The following PRIMA1 variants were observed in gnomAD, a reference collection of about 807,000 sequenced individuals.
PRIMA1 encodes proline rich membrane anchor 1.
A neutral mutation model predicts 17.5 loss-of-function variants in PRIMA1; 7 were observed. The observed-to-expected ratio is 0.40, with a 90% CI of 0.23 to 0.75. The LOEUF is 0.75. Ranked by LOEUF, PRIMA1 falls within the 30% of genes least tolerant of loss-of-function variation. PRIMA1 has a pLI of 0.37. For synonymous variants in PRIMA1, 97 were observed against 77.9 expected (o/e 1.25, Z -1.29); for missense variants, 200 against 201.8 (o/e 0.99, Z 0.05).
intron 3 of PRIMA1, among the ~76,000 whole-genome samples, chr14:93,738,495 A>G (rs979419072): frequency 6.6e-6 from 1 of 152,220 alleles, no homozygotes; most frequent in African/African-American, 2.4e-5. Flanking sequence ...GAGAGACAGT[A>G]TTAACTTTGG....
chr14:93,746,573 G>C (rs1332388007), intron 3 of PRIMA1, among the ~76,000 whole-genome samples: 1 of 152,088 alleles, frequency 6.6e-6, no homozygotes. Context: ...GGGGCCATGG[G>C]GATGCCATAA....
chr14:93,773,169 C>A (rs530748125), intron 3 of PRIMA1, among the ~76,000 whole-genome samples: 1 of 152,308 alleles, frequency 6.6e-6, no homozygotes, highest in South Asian at 2.1e-4. Context: ...CTACATAATA[C>A]CACCTTTTGA....
chr14:93,734,756 T>C (rs1209537956), intron 4 of PRIMA1, among the ~76,000 whole-genome samples: 1 of 115,660 alleles, frequency 8.6e-6, no homozygotes, highest in Non-Finnish European at 1.9e-5. Flanking sequence ...GCCCCGCCCC[T>C]GCCCCTGGAA....
chr14:93,743,768 C>T (rs2141165934), intron 3 of PRIMA1, among the ~76,000 whole-genome samples: 1 of 152,366 alleles, frequency 6.6e-6, no homozygotes, highest in East Asian at 1.9e-4. Context: ...GGGACAGTCT[C>T]ATGGCACCGC....
intron 4 of PRIMA1, among the ~76,000 whole-genome samples, chr14:93,734,285 C>T (rs2076134425): frequency 6.6e-6 from 1 of 152,200 alleles, no homozygotes; most frequent in South Asian, 2.1e-4. Context: ...CCCGGGAGGC[C>T]GACCTTACTG....
intron 3 of PRIMA1, among the ~76,000 whole-genome samples, chr14:93,746,776 A>G (rs2076221332): frequency 6.6e-6 from 1 of 152,096 alleles, no homozygotes; most frequent in South Asian, 2.1e-4. Context: ...GAAAGGTCAG[A>G]GTCTGGAAAT....
chr14:93,787,470 A>G (rs1885555591), intron 2 of PRIMA1, among the ~76,000 whole-genome samples, 156 bp downstream of exon 2: 1 of 152,130 alleles, frequency 6.6e-6, no homozygotes, highest in African/African-American at 2.4e-5. Flanking sequence ...TTTCAGGGGT[A>G]GGGTATAGGG....
chr14:93,744,416 C>T (rs777372579), intron 3 of PRIMA1, among the ~76,000 whole-genome samples: 13 of 152,250 alleles, frequency 8.5e-5, no homozygotes, highest in Non-Finnish European at 1.8e-4. Flanking sequence ...AGGCCGGTGC[C>T]AGGGCGTCCA....
At chr14:93,748,037 GGAGTGTGT>G (rs1390633545) in intron 3 of PRIMA1, among the ~76,000 whole-genome samples, 1 of 35,372 alleles carries the variant, frequency 2.8e-5, no homozygotes, top group African/African-American at 1.0e-4. Context: ...ACTGTGTGTG[GGAGTGTGT>G]GAGTGTGTGT....
chr14:93,747,305 G>A (rs1429166105), intron 3 of PRIMA1, among the ~76,000 whole-genome samples: 1 of 152,206 alleles, frequency 6.6e-6, no homozygotes. Flanking sequence ...CAGCGAGGCT[G>A]GGAGCCAGCC....
At chr14:93,764,097 C>A (rs150585576) in intron 3 of PRIMA1, among the ~76,000 whole-genome samples, 2 of 151,910 alleles carry the variant, frequency 1.3e-5, no homozygotes, top group African/African-American at 4.8e-5. Context: ...AAACTCCCAC[C>A]CTTCTAACCC....
intron 3 of PRIMA1, among the ~76,000 whole-genome samples, chr14:93,744,196 C>T (rs563558650): frequency 2.0e-5 from 3 of 152,340 alleles, no homozygotes; most frequent in South Asian, 2.1e-4. Context: ...ACAAAGGACG[C>T]GGTTTCTCAG....
chr14:93,738,367 C>T (rs983282918), intron 3 of PRIMA1, among the ~76,000 whole-genome samples: 1 of 151,764 alleles, frequency 6.6e-6, no homozygotes, highest in East Asian at 1.9e-4. Context: ...AAAGGAGTGC[C>T]CAGAATTGCA....
intron 3 of PRIMA1, among the ~76,000 whole-genome samples, chr14:93,778,825 G>C (rs1268748394): frequency 6.6e-6 from 1 of 152,138 alleles, no homozygotes; most frequent in Non-Finnish European, 1.5e-5. Context: ...AATTATAATA[G>C]AGAAATAGAA....
intron 3 of PRIMA1, among the ~76,000 whole-genome samples, chr14:93,751,788 G>C (rs2076261007): frequency 6.6e-6 from 1 of 152,184 alleles, no homozygotes; most frequent in Non-Finnish European, 1.5e-5. Context: ...CTGTGGCTCT[G>C]GGACAAAACC....
chr14:93,754,127 A>T (rs1435852036), intron 3 of PRIMA1, among the ~76,000 whole-genome samples: 1 of 152,188 alleles, frequency 6.6e-6, no homozygotes, highest in Non-Finnish European at 1.5e-5. Context: ...AAACGTGATG[A>T]TAAGAGTTGC....
At chr14:93,767,884 A>G (rs1448050812) in intron 3 of PRIMA1, among the ~76,000 whole-genome samples, 1 of 152,192 alleles carries the variant, frequency 6.6e-6, no homozygotes, top group East Asian at 1.9e-4. Flanking sequence ...TGAAATGTCC[A>G]GAACAGGCAA....
At chr14:93,749,369 A>G (rs2076246596) in intron 3 of PRIMA1, among the ~76,000 whole-genome samples, 1 of 152,204 alleles carries the variant, frequency 6.6e-6, no homozygotes, top group South Asian at 2.1e-4. Flanking sequence ...CACATCTGTT[A>G]AGAGCCTGCT....
At chr14:93,737,506 A>G in intron 3 of PRIMA1, 136 bp from the exon 4 acceptor site, 1 of 1,023,072 alleles carries the variant, frequency 9.8e-7, no homozygotes, top group Non-Finnish European at 1.4e-6. Flanking sequence ...TGACACCAAC[A>G]GAGGCGTGGG....
Sources: allele counts gnomAD v4.1 joint callset (sites outside exome capture counted in the v4.1 genomes callset), GRCh38; gene constraint gnomAD v4.1.1; transcripts MANE v1.5; gene names NCBI Gene and HGNC (gene_info 2026-07-23, HGNC 2026-07-21).